The following DNAL1 variants were observed in gnomAD, a reference collection of about 807,000 sequenced individuals.
The protein encoded by DNAL1 is dynein axonemal light chain 1, also known as chromosome 14 open reading frame 168.
A neutral mutation model predicts 29.4 loss-of-function variants in DNAL1; 17 were observed. The ratio of observed to expected loss-of-function variants is 0.58; its 90% CI spans 0.40 to 0.87. The LOEUF (loss-of-function observed/expected upper bound fraction) is 0.87. DNAL1 is among the 40% of genes least tolerant of loss of function. The probability of loss-of-function intolerance (pLI) is 0.00; values close to 1 mark genes in which losing one functional copy is unlikely to be tolerated. For missense variants in DNAL1, 188 were observed against 214.1 expected (o/e 0.88, Z 0.76); for synonymous variants, 78 against 76.3 (o/e 1.02, Z -0.12).
intron 7 of DNAL1, among the ~76,000 whole-genome samples, chr14:73,690,375 A>G (rs1892140550): frequency 1.3e-5 from 2 of 152,080 alleles, no homozygotes; most frequent in Non-Finnish European, 2.9e-5. Context: ...GAGCCTGGCC[A>G]GGTGCGGTGG....
intron 7 of DNAL1, among the ~76,000 whole-genome samples, chr14:73,691,169 A>G (rs929692765): frequency 1.3e-5 from 2 of 152,262 alleles, no homozygotes; most frequent in Non-Finnish European, 2.9e-5. Context: ...TATTATGAGG[A>G]TTAAATAAAA....
chr14:73,702,104 T>TGTGTGC lies in DNAL1; in HGVS notation c.*6163_*6164insTGTGCG, dbSNP rs1555340583. ...GTGTGTGTGTGTGTGTGTGTGTGTG[T>TGTGTGC]GCACGTGCATGAGAGAGAGTGAAAG... is the stretch of plus-strand genomic sequence containing the variant. On this transcript the variant is annotated 3_prime_UTR_variant, in exon 8 of 8. Transcript: ENST00000553645. The TGTGTGC allele has an allele frequency of 1.4e-5, 2 of 147,752 alleles. No individual in the cohort carries two copies. Among genetic ancestry groups the TGTGTGC allele is most frequent in the African/African-American group, 4.9e-5 (2 of 40,800 alleles). 9.2% of individuals were successfully genotyped at this position (147,752 alleles called of 1,614,324 possible). A position where few individuals can be genotyped will look rare whatever the true frequency, so the allele number is the denominator to read the frequency against.
At chr14:73,693,304 A>G (rs1460761451) in intron 7 of DNAL1, among the ~76,000 whole-genome samples, 1 of 152,192 alleles carries the variant, frequency 6.6e-6, no homozygotes, top group Non-Finnish European at 1.5e-5. Context: ...CTTGTGACCC[A>G]GCAATTTCCC....
At chr14:73,646,655 A>C (rs1318780115) in intron 1 of DNAL1, among the ~76,000 whole-genome samples, 1 of 152,134 alleles carries the variant, frequency 6.6e-6, no homozygotes, top group Non-Finnish European at 1.5e-5. Context: ...CCAGCTACTC[A>C]GGAGGCTGAG....
chr14:73,658,927 T>C lies in DNAL1; in HGVS notation c.123T>C (p.Asp41=). Residue 41 remains aspartate (D), a synonymous_variant, in exon 3 of 8, where the codon GAT becomes GAC. Transcript: ENST00000553645. ...YAQIPPIEKM[D]ASLSMLANCE... ...AGATTCCCCCTATAGAGAAGATGGA[T>C]GCATCCTTGTCCATGCTTGCTAATT... 1 of 1,556,066 alleles carries C rather than the reference T, an allele frequency of 6.4e-7. No individual in the cohort carries two copies. The highest frequency in any genetic ancestry group is 2.3e-5 in the East Asian group (1 of 42,748).
chr14:73,658,966 C>G lies in DNAL1; in HGVS notation c.152+10C>G, dbSNP rs377571208. 4 of 1,449,284 alleles carry G rather than the reference C, an allele frequency of 2.8e-6. No individual in the cohort carries two copies. The highest frequency in any genetic ancestry group is 3.7e-6 in the Non-Finnish European group (4 of 1,088,408). The allele number at this position is 1,449,284 out of a possible 1,614,324, so 89.8% of individuals were successfully genotyped here. ...TGCTTGCTAATTGCGAGTAAGTTCT[C>G]TTTTCATCCTTCCAGTATTGCTGTT... On this transcript the variant is annotated intron_variant, in intron 3 of 7. Coordinates refer to ENST00000553645, the MANE Select transcript of DNAL1 (RefSeq NM_031427.4).
intron 3 of DNAL1, among the ~76,000 whole-genome samples, chr14:73,661,004 A>G (rs142939962): frequency 6.6e-6 from 1 of 152,298 alleles, no homozygotes; most frequent in East Asian, 1.9e-4. Context: ...TAGAAAATAT[A>G]CAGATTTGGC....
chr14:73,671,693 A>G, intron 5 of DNAL1, 96 bp downstream of exon 5: 1 of 1,253,178 alleles, frequency 8.0e-7, no homozygotes, highest in Non-Finnish European at 1.0e-6. Flanking sequence ...TACTAGGTCA[A>G]AAGGTATCAG....
At chr14:73,678,869 T>C (rs1595218190) in intron 5 of DNAL1, among the ~76,000 whole-genome samples, 1 of 152,228 alleles carries the variant, frequency 6.6e-6, no homozygotes, top group Non-Finnish European at 1.5e-5. Flanking sequence ...TTGCAAGATA[T>C]ATGAAGTGTA....
At position 73,697,743 on chromosome 14, in the gene DNAL1, TAAAAAAAAAAA is replaced by T. The variant is rs59065500; in HGVS notation, c.*1813_*1823del. On this transcript the variant is annotated 3_prime_UTR_variant, in exon 8 of 8. Coordinates refer to ENST00000553645, the MANE Select transcript of DNAL1 (RefSeq NM_031427.4). ...GGGCAATAGAGCGAGACTCCATATTTAAAAAAAAAAAAAAAAAAAAAAGAGGAAAACTTGGT... is the reference window on the plus strand; with the variant it reads ...GGGCAATAGAGCGAGACTCCATATTTAAAAAAAAAAAGAGGAAAACTTGGT... 3.2e-5 allele frequency: 4 copies of T among 123,584 alleles called. No homozygotes were observed. The highest frequency in any genetic ancestry group is 4.7e-4 in the East Asian group (2 of 4,234). 7.7% of individuals were successfully genotyped at this position (123,584 alleles called of 1,614,324 possible). A position where few individuals can be genotyped will look rare whatever the true frequency, so the allele number is the denominator to read the frequency against.
intron 1 of DNAL1, chr14:73,653,049 G>A (rs552837817): frequency 6.6e-6 from 1 of 152,276 alleles, no homozygotes; most frequent in Admixed American, 6.5e-5. Context: ...AGGAAGGTGT[G>A]TTCCAGAGAA....
chr14:73,666,859 C>G (rs1478198157), intron 4 of DNAL1, among the ~76,000 whole-genome samples: 1 of 152,074 alleles, frequency 6.6e-6, no homozygotes, highest in Non-Finnish European at 1.5e-5. Context: ...GATACTGTCC[C>G]CCTTGATTTC....
intron 1 of DNAL1, among the ~76,000 whole-genome samples, chr14:73,648,729 A>G (rs1891041831): frequency 6.6e-6 from 1 of 151,070 alleles, no homozygotes; most frequent in Non-Finnish European, 1.5e-5. Flanking sequence ...TGATATTCTT[A>G]TTAGTCATCT....
intron 7 of DNAL1, among the ~76,000 whole-genome samples, chr14:73,693,529 A>G (rs1892225057): frequency 6.6e-6 from 1 of 152,118 alleles, no homozygotes; most frequent in Admixed American, 6.5e-5. Context: ...AACATGGATG[A>G]ATCATACAAA....
At chr14:73,652,290 G>T (rs1050680129) in intron 1 of DNAL1, among the ~76,000 whole-genome samples, 4 of 152,016 alleles carry the variant, frequency 2.6e-5, no homozygotes, top group African/African-American at 9.7e-5. Context: ...TTGAGACAGG[G>T]TCTTGCTCTG....
chr14:73,663,432 C>T (rs1187837190), intron 4 of DNAL1, among the ~76,000 whole-genome samples: 1 of 152,168 alleles, frequency 6.6e-6, no homozygotes, highest in African/African-American at 2.4e-5. Flanking sequence ...CCTCAAACTC[C>T]TGACCTAAAG....
At chr14:73,661,866 T>C (rs1891365634) in intron 3 of DNAL1, 121 bp from the exon 4 acceptor site, 1 of 610,786 alleles carries the variant, frequency 1.6e-6, no homozygotes, top group African/African-American at 1.9e-5. Flanking sequence ...TAATAAATGC[T>C]ATGATTGAGT....
intron 3 of DNAL1, among the ~76,000 whole-genome samples, chr14:73,660,642 A>G (rs1891319972): frequency 6.6e-6 from 1 of 152,204 alleles, no homozygotes; most frequent in African/African-American, 2.4e-5. Context: ...GTGGGATCAA[A>G]GGGGAGAGCA....
chr14:73,677,927 G>A (rs543001236), intron 5 of DNAL1, among the ~76,000 whole-genome samples: 86 of 131,554 alleles, frequency 6.5e-4, no homozygotes, highest in Middle Eastern at 4.4e-3. Flanking sequence ...ATGGTGGTCT[G>A]ACTTTGTCAC....
Sources: gnomAD v4.1 joint callset for allele counts (sites outside exome capture counted in the v4.1 genomes callset) on GRCh38, gnomAD v4.1.1 for gene constraint, MANE v1.5 for transcripts, NCBI Gene and HGNC (gene_info 2026-07-23, HGNC 2026-07-21) for gene names.